CPE: variants seen among roughly 807,000 people sequenced by gnomAD.
CPE encodes carboxypeptidase E.
In CPE, 17 loss-of-function variants were observed where a neutral mutation model predicts 53.5. The ratio of observed to expected loss-of-function variants is 0.32; its 90% CI spans 0.22 to 0.48. CPE has a LOEUF of 0.48. CPE is among the 20% of genes least tolerant of loss of function. CPE has a pLI of 0.99. For missense variants in CPE, 524 were observed against 614.7 expected (o/e 0.85, Z 1.56); for synonymous variants, 226 against 228.8 (o/e 0.99, Z 0.11).
intron 2 of CPE, among the ~76,000 whole-genome samples, chr4:165,465,973 C>T (rs1223606106): frequency 6.6e-6 from 1 of 152,014 alleles, no homozygotes; most frequent in Non-Finnish European, 1.5e-5. Flanking sequence ...ATAAATATCT[C>T]TTTATATTAT....
chr4:165,459,914 C>CAAAAA (rs10718543), intron 1 of CPE, among the ~76,000 whole-genome samples: 2 of 78,740 alleles, frequency 2.5e-5, no homozygotes, highest in Non-Finnish European at 2.4e-5. Context: ...GACTCTGTCT[C>CAAAAA]AAAAAAAAAA....
chr4:165,485,040 G>C (rs1276932992), intron 5 of CPE, among the ~76,000 whole-genome samples: 5 of 152,098 alleles, frequency 3.3e-5, no homozygotes, highest in Non-Finnish European at 5.9e-5. Context: ...TAAATGATGG[G>C]ATAATGGGGA....
chr4:165,482,725 C>A (rs1732436388), intron 4 of CPE, among the ~76,000 whole-genome samples: 1 of 152,066 alleles, frequency 6.6e-6, no homozygotes, highest in South Asian at 2.1e-4. Context: ...ATGGGGGCAG[C>A]CTCTTGGTGC....
At chr4:165,387,249 A>T (rs923043354) in intron 1 of CPE, among the ~76,000 whole-genome samples, 1 of 152,218 alleles carries the variant, frequency 6.6e-6, no homozygotes, top group Non-Finnish European at 1.5e-5. Flanking sequence ...AGGGTGGCAC[A>T]TGTGGAGTAT....
At chr4:165,440,165 A>G (rs771307930) in intron 1 of CPE, among the ~76,000 whole-genome samples, 2 of 152,118 alleles carry the variant, frequency 1.3e-5, no homozygotes, top group African/African-American at 2.4e-5. Context: ...TAGGTTCCCA[A>G]CATGCCGCTC....
At chr4:165,381,928 T>C (rs1427151003) in intron 1 of CPE, among the ~76,000 whole-genome samples, 1 of 152,246 alleles carries the variant, frequency 6.6e-6, no homozygotes, top group Non-Finnish European at 1.5e-5. Flanking sequence ...TTTGAGCACC[T>C]GTATACTCAA....
At chr4:165,432,474 T>C (rs964863380) in intron 1 of CPE, among the ~76,000 whole-genome samples, 1 of 152,094 alleles carries the variant, frequency 6.6e-6, no homozygotes, top group African/African-American at 2.4e-5. Context: ...TTTTTTAATT[T>C]TTTTGTAGAG....
At chr4:165,474,507 A>G (rs1222017239) in intron 3 of CPE, among the ~76,000 whole-genome samples, 1 of 152,178 alleles carries the variant, frequency 6.6e-6, no homozygotes, top group East Asian at 1.9e-4. Context: ...CTTTCCTGTT[A>G]TCCTAGATAA....
At chr4:165,403,032 G>A (rs1224883528) in intron 1 of CPE, among the ~76,000 whole-genome samples, 1 of 151,546 alleles carries the variant, frequency 6.6e-6, no homozygotes, top group African/African-American at 2.4e-5. Flanking sequence ...ATCGAACACT[G>A]GGAAATATCT....
At chr4:165,447,797 G>A (rs1370482520) in intron 1 of CPE, among the ~76,000 whole-genome samples, 1 of 151,372 alleles carries the variant, frequency 6.6e-6, no homozygotes, top group Non-Finnish European at 1.5e-5. Flanking sequence ...AAAAATTTTT[G>A]TATTTTTCTA....
intron 1 of CPE, among the ~76,000 whole-genome samples, chr4:165,436,271 C>A (rs1053533975): frequency 9.2e-5 from 14 of 151,912 alleles, no homozygotes; most frequent in African/African-American, 3.1e-4. Context: ...CTCTTTATAC[C>A]CACTAAATTG....
In CPE at chr4:165,440,969, A is replaced by G. The variant is rs548518145; in HGVS notation, c.308-23421A>G. On this transcript the variant is annotated intron_variant, in intron 1 of 8. Coordinates refer to ENST00000402744, the MANE Select transcript of CPE (RefSeq NM_001873.4). ...AATGAAAGTATAAAAACGCTATTGC[A>G]TCAATGGAAATGCAGATGTCACTGG... is the stretch of plus-strand genomic sequence containing the variant. Among the ~76,000 whole-genome samples the G allele has an allele frequency of 9.1e-4, 138 of 152,334 alleles. 1 individual carries two copies. The highest frequency in any genetic ancestry group is 3.2e-3 in the African/African-American group (131 of 41,580).
intron 2 of CPE, among the ~76,000 whole-genome samples, chr4:165,466,082 A>T (rs943817065): frequency 2.6e-5 from 4 of 152,182 alleles, no homozygotes; most frequent in Non-Finnish European, 5.9e-5. Context: ...TGAGAAATGC[A>T]ATGTTGGGTG....
At chr4:165,490,525 C>A (rs1158590459) in intron 6 of CPE, among the ~76,000 whole-genome samples, 1 of 151,084 alleles carries the variant, frequency 6.6e-6, no homozygotes, top group Non-Finnish European at 1.5e-5. Context: ...CCCAGCTACT[C>A]CGGAGGCTGA....
chr4:165,462,712 C>T (rs1399042916), intron 1 of CPE, among the ~76,000 whole-genome samples: 2 of 152,084 alleles, frequency 1.3e-5, no homozygotes, highest in Non-Finnish European at 2.9e-5. Flanking sequence ...ACTTTCTGGG[C>T]AAGTCCCTAG....
At position 165,467,762 on chromosome 4, in the gene CPE, C is replaced by A; in HGVS notation, c.579C>A (p.Asp193Glu). The change falls in exon 3 of 9, where the codon GAC becomes GAA. Residue 193 changes from aspartate (D) to glutamate (E), a missense_variant. Coordinates refer to ENST00000402744, the MANE Select transcript of CPE (RefSeq NM_001873.4). ...TAGATCTGAACCGGAACTTTCCAGA[C>A]CTGGATAGGATAGTGTACGTGAATG... The part of the protein sequence containing the change: ...QGIDLNRNFP[D>E]LDRIVYVNEK... 1.2e-6 allele frequency: 2 copies of A among 1,613,302 alleles called. No individual in the cohort carries two copies. Among genetic ancestry groups the A allele is most frequent in the Non-Finnish European group, 1.7e-6 (2 of 1,179,752 alleles).
intron 1 of CPE, among the ~76,000 whole-genome samples, chr4:165,452,447 G>T (rs968396750): frequency 3.3e-5 from 5 of 151,902 alleles, no homozygotes; most frequent in Non-Finnish European, 7.4e-5. Flanking sequence ...ATTAAAAAAA[G>T]AAAATAAACC....
chr4:165,388,335 T>G (rs114565595), intron 1 of CPE, among the ~76,000 whole-genome samples: 1,892 of 152,328 alleles, frequency 0.012, 36 homozygotes, highest in African/African-American at 0.044. Flanking sequence ...CAACCTTTCT[T>G]CATAGCTATT....
intron 1 of CPE, among the ~76,000 whole-genome samples, chr4:165,408,150 G>A (rs116961619): frequency 1.3e-5 from 2 of 152,236 alleles, no homozygotes; most frequent in East Asian, 3.9e-4. Context: ...AAGTACAGAA[G>A]TTTTACATTT....
Sources: gnomAD v4.1 joint callset for allele counts (sites outside exome capture counted in the v4.1 genomes callset) on GRCh38, gnomAD v4.1.1 for gene constraint, MANE v1.5 for transcripts, NCBI Gene and HGNC (gene_info 2026-07-23, HGNC 2026-07-21) for gene names.